EGFR: variants seen among roughly 807,000 people sequenced by gnomAD.
EGFR encodes avian erythroblastic leukemia viral (v-erb-b) oncogene homolog.
In EGFR, 58 loss-of-function variants were observed where a neutral mutation model predicts 143.0. That is an observed-to-expected ratio of 0.41 (90% CI 0.33 to 0.50). The LOEUF is 0.50. Ranked by LOEUF, EGFR falls within the 20% of genes least tolerant of loss-of-function variation. The pLI, the probability that EGFR is intolerant of heterozygous loss-of-function variation, is 0.39. For missense variants in EGFR, 1,307 were observed against 1,579.0 expected (o/e 0.83, Z 2.92); for synonymous variants, 613 against 594.4 (o/e 1.03, Z -0.45).
In EGFR at chr7:55,151,313, C is replaced by T. The variant is rs773349388; in HGVS notation, c.579C>T (p.Ser193=). ...HLGSCQKCDP[S]CPNGSCWGAG... is the part of the protein sequence containing the mutation. ...TTTCAGGCCAAAAGTGTGATCCAAG[C>T]TGTCCCAATGGGAGCTGCTGGGGTG... is the stretch of plus-strand genomic sequence containing the variant. Residue 193 remains serine, a synonymous_variant, in exon 5 of 28, where the codon AGC becomes AGT. Transcript: ENST00000275493. The T allele has an allele frequency of 6.2e-7, 1 of 1,614,240 alleles. No homozygotes were observed. The highest frequency in any genetic ancestry group is 1.1e-5 in the South Asian group (1 of 91,092).
chr7:55,023,511 C>A (rs1353189067), intron 1 of EGFR, among the ~76,000 whole-genome samples: 1 of 151,968 alleles, frequency 6.6e-6, no homozygotes, highest in Middle Eastern at 3.4e-3. Flanking sequence ...ATTAGCTGGG[C>A]GTGGTGGCAG....
chr7:55,084,605 G>C (rs968252980), intron 1 of EGFR, among the ~76,000 whole-genome samples: 2 of 152,224 alleles, frequency 1.3e-5, no homozygotes, highest in Admixed American at 1.3e-4. Context: ...ACAAGCTTCT[G>C]TTGATTAGAA....
chr7:55,053,918 C>A (rs1012158285), intron 1 of EGFR, among the ~76,000 whole-genome samples: 6 of 152,212 alleles, frequency 3.9e-5, no homozygotes, highest in African/African-American at 1.4e-4. Flanking sequence ...CAGACAAACC[C>A]GATTGTCAGG....
chr7:55,193,886 CTT>C (rs777027913), intron 22 of EGFR, among the ~76,000 whole-genome samples: 1 of 152,088 alleles, frequency 6.6e-6, no homozygotes, highest in Non-Finnish European at 1.5e-5. Flanking sequence ...TTTCCTGAGT[CTT>C]TATCTCTTCT....
rs537727370 is a variant in EGFR, at chr7:55,208,132, A to G, written c.*2515A>G. 1 of 152,330 alleles carries G rather than the reference A, an allele frequency of 6.6e-6. No homozygotes were observed. Among genetic ancestry groups the G allele is most frequent in the Admixed American group, 6.5e-5 (1 of 15,300 alleles). The allele number at this position is 152,330 out of a possible 1,614,324, so 9.4% of individuals were successfully genotyped here. ...TTTTCCACCATAAAGTTTAGTTGCT[A>G]AATTCTATTAATTTTAAGATTGTGC... On this transcript the variant is annotated 3_prime_UTR_variant, in exon 28 of 28. Transcript: ENST00000275493.
At chr7:55,153,677 A>G (rs1376132062) in intron 6 of EGFR, among the ~76,000 whole-genome samples, 1 of 152,220 alleles carries the variant, frequency 6.6e-6, no homozygotes, top group Non-Finnish European at 1.5e-5. Context: ...AATGTCCTTT[A>G]TAAGGGAAAT....
intron 19 of EGFR, chr7:55,180,084 C>CGG (rs1786791562): frequency 6.6e-6 from 1 of 152,550 alleles, no homozygotes; most frequent in Non-Finnish European, 1.5e-5. Context: ...TGCTCCTGAC[C>CGG]TGCCCGGGCA....
intron 2 of EGFR, 34 bp downstream of exon 2, chr7:55,142,471 T>G (rs747257398): frequency 6.2e-7 from 1 of 1,611,818 alleles, no homozygotes; most frequent in Non-Finnish European, 8.5e-7. Context: ...ACAAATAAAA[T>G]TGGAGAAAAT....
At chr7:55,157,828 T>C in intron 11 of EGFR, 75 bp downstream of exon 11, 2 of 1,441,168 alleles carry the variant, frequency 1.4e-6, no homozygotes, top group Non-Finnish European at 1.9e-6. Flanking sequence ...ACAGGAGAGT[T>C]GCTAAGATAG....
chr7:55,059,275 G>T (rs1476199330), intron 1 of EGFR, among the ~76,000 whole-genome samples: 1 of 152,180 alleles, frequency 6.6e-6, no homozygotes, highest in Non-Finnish European at 1.5e-5. Context: ...AAGAGTGAAA[G>T]AACTTTCTCT....
At chr7:55,081,011 C>G (rs929623951) in intron 1 of EGFR, among the ~76,000 whole-genome samples, 1 of 152,072 alleles carries the variant, frequency 6.6e-6, no homozygotes, top group South Asian at 2.1e-4. Context: ...CTTAGAAATG[C>G]CCTGCAAAAG....
chr7:55,133,412 A>G (rs1300850590), intron 1 of EGFR, among the ~76,000 whole-genome samples: 1 of 152,148 alleles, frequency 6.6e-6, no homozygotes, highest in African/African-American at 2.4e-5. Context: ...TCCAGTAACA[A>G]AGAGGGACGT....
At chr7:55,198,945 C>T (rs2128969088) in intron 23 of EGFR, 82 bp downstream of exon 23, 2 of 1,566,664 alleles carry the variant, frequency 1.3e-6, no homozygotes, top group South Asian at 1.1e-5. Context: ...GCCTTTGCAT[C>T]CCTGGAGAAA....
rs1791572278 is a variant in EGFR at position 55,097,867 on chromosome 7, T to TA, written c.89-44416dup. On this transcript the variant is annotated intron_variant, in intron 1 of 27. Transcript: ENST00000275493. ...TTTATTGATGTCACCTAAATGCACC[T>TA]AAACTTCTTTTTTGCCCCATGCTCT... is the stretch of plus-strand genomic sequence containing the variant. Among the ~76,000 whole-genome samples, 7 of 152,198 alleles carry TA rather than the reference T, an allele frequency of 4.6e-5. No individual in the cohort carries two copies. The South Asian group carries it at 1.5e-3, about 32-fold the overall frequency.
At chr7:55,133,670 CT>C (rs1793978762) in intron 1 of EGFR, among the ~76,000 whole-genome samples, 1 of 152,226 alleles carries the variant, frequency 6.6e-6, no homozygotes, top group Non-Finnish European at 1.5e-5. Flanking sequence ...ACCCCGGGTT[CT>C]GTGGTGCTGT....
At chr7:55,038,114 A>G (rs1787700359) in intron 1 of EGFR, among the ~76,000 whole-genome samples, 1 of 152,210 alleles carries the variant, frequency 6.6e-6, no homozygotes, top group Admixed American at 6.5e-5. Context: ...GAGATAGGAA[A>G]GCGGGGGGGT....
At chr7:55,152,760 A>G (rs1562762851) in intron 6 of EGFR, 96 bp downstream of exon 6, 1 of 1,019,344 alleles carries the variant, frequency 9.8e-7, no homozygotes, top group Non-Finnish European at 1.5e-6. Flanking sequence ...GGAGCTGTCA[A>G]TTAGCATTTG....
chr7:55,070,361 A>G (rs538006315), intron 1 of EGFR, among the ~76,000 whole-genome samples: 2 of 152,314 alleles, frequency 1.3e-5, no homozygotes, highest in East Asian at 1.9e-4. Context: ...AAAAATCACT[A>G]ACTTTCATGC....
intron 11 of EGFR, among the ~76,000 whole-genome samples, chr7:55,159,319 G>T (rs146231109): frequency 5.9e-4 from 90 of 152,276 alleles, no homozygotes; most frequent in Non-Finnish European, 1.0e-3. Context: ...TGGTCTGGCT[G>T]GGGCTAGTGG....
Sources: gnomAD v4.1 joint callset for allele counts (sites outside exome capture counted in the v4.1 genomes callset) on GRCh38, gnomAD v4.1.1 for gene constraint, MANE v1.5 for transcripts, NCBI Gene and HGNC (gene_info 2026-07-23, HGNC 2026-07-21) for gene names.